The following CCR9 variants were observed in gnomAD, a reference collection of about 807,000 sequenced individuals.
CCR9 encodes the protein C-C chemokine receptor type 9.
A neutral mutation model predicts 8.7 loss-of-function variants in CCR9; 4 were observed. The ratio of observed to expected loss-of-function variants is 0.46; its 90% confidence interval spans 0.23 to 1.06. The LOEUF is 1.06. Ranked by LOEUF, CCR9 falls within the 50% of genes least tolerant of loss-of-function variation. The pLI, the probability that CCR9 is intolerant of heterozygous loss-of-function variation, is 0.21. For synonymous variants in CCR9, 159 were observed against 168.8 expected (o/e 0.94, Z 0.45); for missense variants, 394 against 453.6 (o/e 0.87, Z 1.19).
At chr3:45,890,745 A>C (rs574348351) in intron 1 of CCR9, among the ~76,000 whole-genome samples, 152 of 152,290 alleles carry the variant, frequency 1.0e-3, no homozygotes, top group African/African-American at 3.3e-3. Context: ...TCTTTCATTC[A>C]CCTGAGAAAT....
chr3:45,900,859 C>T lies in CCR9; in HGVS notation c.71C>T (p.Ser24Phe). Reference protein sequence around the residue: ...ADDYGSESTSSMEDYVNFNFT... With the variant: ...ADDYGSESTSFMEDYVNFNFT... ...GACTATGGCTCTGAATCCACATCTT[C>T]CATGGAAGACTACGTTAACTTCAAC... The change falls in exon 3 of 3, where the codon TCC becomes TTC. Residue 24 changes from serine (S) to phenylalanine (F), a missense_variant. Transcript: ENST00000357632. This position sits in a 1 kb window ranked among gnomAD's most constrained non-coding sequence, Gnocchi z 4.7. The T allele has an allele frequency of 6.2e-7, 1 of 1,614,066 alleles. No homozygotes were observed. The highest frequency in any genetic ancestry group is 8.5e-7 in the Non-Finnish European group (1 of 1,179,950).
Position 45,901,671 on chromosome 3 carries a change from A to T in CCR9, c.883A>T (p.Ile295Phe). Reference sequence around the variant, plus strand: ...CTCCAACTGTGCCGTTTCCACCAACATTGACATCTGCTTCCAGGTCACCCA... The same window carrying T: ...CTCCAACTGTGCCGTTTCCACCAACTTTGACATCTGCTTCCAGGTCACCCA... ...FISNCAVSTNIDICFQVTQTI... is the reference protein window; with the variant it reads ...FISNCAVSTNFDICFQVTQTI... Residue 295 changes from isoleucine to phenylalanine, a missense_variant, in exon 3 of 3, where the codon ATT becomes TTT. Physicochemically the swap from Ile to Phe is conservative, Grantham distance 21. Coordinates refer to ENST00000357632, the MANE Select transcript of CCR9 (RefSeq NM_031200.3). This position sits in a 1 kb window ranked among gnomAD's most constrained non-coding sequence, Gnocchi z 4.3. The T allele has an allele frequency of 6.2e-7, 1 of 1,613,972 alleles. No homozygotes were observed. Among genetic ancestry groups the T allele is most frequent in the South Asian group, 1.1e-5 (1 of 91,076 alleles).
intron 1 of CCR9, among the ~76,000 whole-genome samples, chr3:45,894,537 T>C (rs1250921487): frequency 1.3e-5 from 2 of 152,104 alleles, no homozygotes; most frequent in East Asian, 3.9e-4. Flanking sequence ...ACAAGCTGAA[T>C]CAAGGGAAAG....
Position 45,897,003 on chromosome 3 carries a change from C to A in CCR9, c.21+2049C>A, listed in dbSNP as rs17078401. Among the ~76,000 whole-genome samples the A allele has an allele frequency of 5.4e-3, 816 of 152,314 alleles. 3 individuals carry two copies. The highest frequency in any genetic ancestry group is 0.016 in the African/African-American group (657 of 41,570). On this transcript the variant is annotated intron_variant, in intron 2 of 2. Transcript: ENST00000357632. ...TTCTTCCTGCTCTGGGTGTTCACAACTGGGACGCCTGGGCTGCTGCTTCTG... is the reference window on the plus strand; with the variant it reads ...TTCTTCCTGCTCTGGGTGTTCACAAATGGGACGCCTGGGCTGCTGCTTCTG...
chr3:45,896,483 G>T (rs1463476867), intron 2 of CCR9, among the ~76,000 whole-genome samples: 1 of 152,220 alleles, frequency 6.6e-6, no homozygotes, highest in Non-Finnish European at 1.5e-5. Flanking sequence ...ACCCATGCAG[G>T]TGCCCCACAT....
At chr3:45,890,801 CCA>C (rs1575294654) in intron 1 of CCR9, among the ~76,000 whole-genome samples, 1 of 152,152 alleles carries the variant, frequency 6.6e-6, no homozygotes. Context: ...GTGAATTGCC[CCA>C]CAGAGGGGAA....
chr3:45,893,362 C>T (rs1038630732), intron 1 of CCR9, among the ~76,000 whole-genome samples: 2 of 152,124 alleles, frequency 1.3e-5, no homozygotes, highest in Admixed American at 6.5e-5. Flanking sequence ...ACCATGTTGG[C>T]CAGACTGGTC....
chr3:45,894,078 C>A (rs1361990464), intron 1 of CCR9, among the ~76,000 whole-genome samples: 2 of 152,138 alleles, frequency 1.3e-5, no homozygotes, highest in African/African-American at 4.8e-5. Flanking sequence ...AAGGAAATGC[C>A]CCAGCTCAGG....
chr3:45,897,369 G>A (rs1702389893), intron 2 of CCR9, among the ~76,000 whole-genome samples: 1 of 152,132 alleles, frequency 6.6e-6, no homozygotes, highest in Non-Finnish European at 1.5e-5. Context: ...GTAACTTCAT[G>A]CAAAAGCACG....
At chr3:45,886,169 G>T (rs916183727), upstream of CCR9, among the ~76,000 whole-genome samples, 7 of 152,180 alleles carry the variant, frequency 4.6e-5, no homozygotes, top group African/African-American at 1.2e-4. Flanking sequence ...CCACTGGGTG[G>T]TAATCTGATA....
At chr3:45,897,193 G>A (rs1286529941) in intron 2 of CCR9, among the ~76,000 whole-genome samples, 3 of 152,202 alleles carry the variant, frequency 2.0e-5, no homozygotes, top group African/African-American at 7.2e-5. Flanking sequence ...TGATGTCTAA[G>A]ATCCATCAGG....
rs1294695274 is a variant in CCR9 at position 45,901,278 on chromosome 3, T to G, written c.490T>G (p.Tyr164Asp). 4 of 1,614,102 alleles carry G rather than the reference T, an allele frequency of 2.5e-6. No homozygotes were observed. Among genetic ancestry groups the G allele is most frequent in the Non-Finnish European group, 3.4e-6 (4 of 1,180,040 alleles). Residue 164 changes from tyrosine (Y) to aspartate (D), a missense_variant, in exon 3 of 3, where the codon TAC (tyrosine) becomes GAC (aspartate). Coordinates refer to ENST00000357632, the MANE Select transcript of CCR9 (RefSeq NM_031200.3). The surrounding 1 kb of genome is among the most constrained non-coding windows in gnomAD (Gnocchi z 4.3). ...AHTWREKRLL[Y>D]SKMVCFTIWV... is the part of the protein sequence containing the mutation. Reference sequence around the variant, plus strand: ...TACTTGGAGGGAGAAAAGGCTTTTGTACAGCAAAATGGTTTGCTTTACCAT... The same window carrying G: ...TACTTGGAGGGAGAAAAGGCTTTTGGACAGCAAAATGGTTTGCTTTACCAT...
chr3:45,888,409 C>T (rs1702048685), intron 1 of CCR9, among the ~76,000 whole-genome samples: 3 of 152,192 alleles, frequency 2.0e-5, no homozygotes, highest in Admixed American at 1.3e-4. Flanking sequence ...TAGCACTTTC[C>T]CTTTGTTGTT....
At chr3:45,893,947 G>A (rs1199547461) in intron 1 of CCR9, among the ~76,000 whole-genome samples, 1 of 152,210 alleles carries the variant, frequency 6.6e-6, no homozygotes, top group Non-Finnish European at 1.5e-5. Context: ...TCATGATGTT[G>A]TTATGGAAAG....
At chr3:45,886,467 CT>C (rs1701984047), upstream of CCR9, 2 of 152,228 alleles carry the variant, frequency 1.3e-5, no homozygotes, top group Admixed American at 6.5e-5. Flanking sequence ...CCCTCTTGGG[CT>C]ACCCCACCAG....
At chr3:45,887,001 C>A (rs1341331712) in intron 1 of CCR9, among the ~76,000 whole-genome samples, 2 of 152,104 alleles carry the variant, frequency 1.3e-5, no homozygotes, top group Non-Finnish European at 2.9e-5. Flanking sequence ...GAGTCTGAGA[C>A]ACTGCCCCAT....
chr3:45,889,492 T>C (rs2125739191), intron 1 of CCR9, among the ~76,000 whole-genome samples: 1 of 150,720 alleles, frequency 6.6e-6, no homozygotes, highest in East Asian at 1.9e-4. Context: ...TTCTTCTTCT[T>C]TTTTTTTTAA....
chr3:45,901,673 T>G lies in CCR9; in HGVS notation c.885T>G (p.Ile295Met). The G allele has an allele frequency of 6.2e-7, 1 of 1,613,990 alleles. No individual in the cohort carries two copies. The highest frequency in any genetic ancestry group is 8.5e-7 in the Non-Finnish European group (1 of 1,179,818). ...CCAACTGTGCCGTTTCCACCAACATTGACATCTGCTTCCAGGTCACCCAGA... is the reference window on the plus strand; with the variant it reads ...CCAACTGTGCCGTTTCCACCAACATGGACATCTGCTTCCAGGTCACCCAGA... ...FISNCAVSTN[I>M]DICFQVTQTI... Residue 295 changes from isoleucine to methionine, a missense_variant, in exon 3 of 3, where the codon ATT becomes ATG. Transcript: ENST00000357632. The surrounding 1 kb of genome is among the most constrained non-coding windows in gnomAD (Gnocchi z 4.3).
intron 2 of CCR9, among the ~76,000 whole-genome samples, chr3:45,895,670 C>T (rs1173024839): frequency 2.0e-5 from 3 of 150,990 alleles, no homozygotes; most frequent in South Asian, 2.1e-4. Context: ...GCCAAGATCA[C>T]GCCATTGCAC....
Sources: allele counts gnomAD v4.1 joint callset (sites outside exome capture counted in the v4.1 genomes callset), GRCh38; gene constraint gnomAD v4.1.1; non-coding constraint Gnocchi (gnomAD v3.1); transcripts MANE v1.5; gene names NCBI Gene and HGNC (gene_info 2026-07-23, HGNC 2026-07-21).